ANO2: variants seen among roughly 807,000 people sequenced by gnomAD.
ANO2 encodes the protein anoctamin-2.
Under a neutral mutation model 124.2 loss-of-function variants are expected in ANO2, and 101 were observed. That is an observed-to-expected ratio of 0.81 (90% CI 0.69 to 0.96). ANO2 has a LOEUF of 0.96. Ranked by LOEUF, ANO2 falls within the 40% of genes least tolerant of loss-of-function variation. The pLI, the probability that ANO2 is intolerant of heterozygous loss-of-function variation, is 0.00. For missense variants in ANO2, 1,293 were observed against 1,274.5 expected (o/e 1.01, Z -0.22); for synonymous variants, 486 against 482.5 (o/e 1.01, Z -0.09).
intron 3 of ANO2, among the ~76,000 whole-genome samples, chr12:5,864,640 G>C (rs1482719271): frequency 6.6e-6 from 1 of 152,218 alleles, no homozygotes; most frequent in East Asian, 1.9e-4. Flanking sequence ...AATGGGCAAA[G>C]GGGTGCCCTA....
intron 3 of ANO2, among the ~76,000 whole-genome samples, chr12:5,879,866 T>A (rs956346490): frequency 1.3e-5 from 2 of 152,078 alleles, no homozygotes; most frequent in African/African-American, 4.8e-5. Context: ...CTGAGGTGCT[T>A]AGAAGCCATT....
At chr12:5,808,334 G>A (rs570306182) in intron 7 of ANO2, among the ~76,000 whole-genome samples, 45 of 152,278 alleles carry the variant, frequency 3.0e-4, no homozygotes, top group African/African-American at 9.1e-4. Context: ...AACCTTCTGC[G>A]CAGCATAAAG....
At chr12:5,844,421 G>A (rs143589845) in intron 4 of ANO2, among the ~76,000 whole-genome samples, 3 of 152,318 alleles carry the variant, frequency 2.0e-5, no homozygotes, top group African/African-American at 7.2e-5. Context: ...ACAGACGTAC[G>A]ACACTTTTAC....
At chr12:5,620,270 G>C (rs1945043659) in intron 16 of ANO2, among the ~76,000 whole-genome samples, 1 of 152,226 alleles carries the variant, frequency 6.6e-6, no homozygotes, top group Admixed American at 6.5e-5. Context: ...AGGCAGCAGA[G>C]CCAGGGGACC....
chr12:5,751,689 CTTGTT>C (rs1324000742), intron 10 of ANO2, among the ~76,000 whole-genome samples: 1 of 152,120 alleles, frequency 6.6e-6, no homozygotes, highest in East Asian at 1.9e-4. Context: ...TGCTCTCACC[CTTGTT>C]TTGTTTAATT....
intron 10 of ANO2, among the ~76,000 whole-genome samples, chr12:5,779,233 T>C (rs900943999): frequency 7.9e-5 from 12 of 152,206 alleles, no homozygotes; most frequent in African/African-American, 2.9e-4. Flanking sequence ...TTTCACTCCC[T>C]TTTCTTTGGT....
At chr12:5,852,092 GAAGA>G (rs1954929855) in intron 4 of ANO2, 3 of 670,444 alleles carry the variant, frequency 4.5e-6, no homozygotes, top group Non-Finnish European at 5.4e-6. Flanking sequence ...AAGGAAGACA[GAAGA>G]AAGAGGAGAT....
At chr12:5,785,686 C>T (rs1185787406) in intron 10 of ANO2, among the ~76,000 whole-genome samples, 3 of 151,856 alleles carry the variant, frequency 2.0e-5, no homozygotes, top group African/African-American at 7.3e-5. Flanking sequence ...CACATACACA[C>T]ACATACAAGC....
rs552591540 is a variant in ANO2, at chr12:5,846,676, G to A, written c.633+7367C>T. Among the ~76,000 whole-genome samples the A allele has an allele frequency of 9.2e-5, 14 of 152,286 alleles. 2 individuals are homozygous for A. Among genetic ancestry groups the A allele is most frequent in the African/African-American group, 3.4e-4 (14 of 41,562 alleles). ...TTTCTTGACTCTTCCAGCTTTGGAT[G>A]GCCCCAGGTGTTCTTCACTTTGAGC... On this transcript the variant is annotated intron_variant, in intron 4 of 24. Coordinates refer to ENST00000682330, the MANE Select transcript of ANO2 (RefSeq NM_001364791.2).
intron 14 of ANO2, among the ~76,000 whole-genome samples, chr12:5,717,623 C>A (rs534082294): frequency 2.0e-5 from 3 of 152,314 alleles, no homozygotes; most frequent in African/African-American, 4.8e-5. Flanking sequence ...GAGTTAGCAC[C>A]TCCACTGACC....
intron 10 of ANO2, among the ~76,000 whole-genome samples, chr12:5,764,960 A>G (rs1951842157): frequency 6.6e-6 from 1 of 152,192 alleles, no homozygotes. Context: ...CCCTTAAAGG[A>G]AGGAATAGGA....
chr12:5,896,587 T>C (rs556996073), intron 3 of ANO2, among the ~76,000 whole-genome samples: 5 of 152,292 alleles, frequency 3.3e-5, no homozygotes, highest in South Asian at 2.1e-4. Flanking sequence ...GGGTGCTTCA[T>C]AGGAACCTAA....
intron 10 of ANO2, among the ~76,000 whole-genome samples, chr12:5,791,218 T>C (rs1952685416): frequency 6.6e-6 from 1 of 151,522 alleles, no homozygotes; most frequent in African/African-American, 2.4e-5. Context: ...AGCAGTAAAT[T>C]AGAATTGGGA....
At chr12:5,837,598 T>C (rs1209604800) in intron 4 of ANO2, among the ~76,000 whole-genome samples, 2 of 151,486 alleles carry the variant, frequency 1.3e-5, no homozygotes, top group African/African-American at 4.9e-5. Context: ...GTTCTTGCGA[T>C]AGTTTACTGA....
intron 14 of ANO2, 92 bp downstream of exon 14, chr12:5,732,428 C>T (rs1008522954): frequency 1.9e-6 from 2 of 1,058,726 alleles, no homozygotes; most frequent in African/African-American, 3.2e-5. Flanking sequence ...CCTTCTCAAG[C>T]CCAGTCTCCC....
At chr12:5,756,532 A>G (rs1452525181) in intron 10 of ANO2, among the ~76,000 whole-genome samples, 3 of 152,224 alleles carry the variant, frequency 2.0e-5, no homozygotes, top group Non-Finnish European at 4.4e-5. Flanking sequence ...CATGCTGGTC[A>G]GAGATTATGG....
Position 5,921,116 on chromosome 12 carries a change from T to C in ANO2, c.458A>G (p.Glu153Gly). 1 of 1,613,832 alleles carries C rather than the reference T, an allele frequency of 6.2e-7. No individual in the cohort carries two copies. The highest frequency in any genetic ancestry group is 8.5e-7 in the Non-Finnish European group (1 of 1,179,864). The part of the protein sequence containing the change: ...IELGPLDALE[E>G]ERKEQREEFE... ...TTCCTCCCGCTGCTCCTTCCTCTCC[T>C]CCTCCAGGGCATCGAGCGGTCCCAG... The change falls in exon 3 of 25, where the codon GAG becomes GGG. Residue 153 changes from glutamate to glycine, a missense_variant. Transcript: ENST00000682330.
At chr12:5,932,894 T>G (rs532821652) in intron 1 of ANO2, among the ~76,000 whole-genome samples, 1 of 152,236 alleles carries the variant, frequency 6.6e-6, no homozygotes, top group Admixed American at 6.5e-5. Context: ...TGCATGCAAC[T>G]AGAAGAATTA....
chr12:5,678,245 CATGGGCTGCATA>C (rs1948340734), intron 14 of ANO2, among the ~76,000 whole-genome samples: 1 of 152,196 alleles, frequency 6.6e-6, no homozygotes, highest in South Asian at 2.1e-4. Flanking sequence ...TAGTTTGGAA[CATGGGCTGCATA>C]CGCTTGATGG....
Sources: gnomAD v4.1 joint callset for allele counts (sites outside exome capture counted in the v4.1 genomes callset) on GRCh38, gnomAD v4.1.1 for gene constraint, MANE v1.5 for transcripts, NCBI Gene and HGNC (gene_info 2026-07-23, HGNC 2026-07-21) for gene names.